GLDC: variants seen among roughly 807,000 people sequenced by gnomAD.
The protein encoded by GLDC is glycine decarboxylase.
In GLDC, 104 loss-of-function variants were observed where a neutral mutation model predicts 121.3. The ratio of observed to expected loss-of-function variants is 0.86; its 90% confidence interval spans 0.73 to 1.01. The LOEUF is 1.01. Ranked by LOEUF, GLDC falls within the 50% of genes least tolerant of loss-of-function variation. GLDC has a pLI of 0.00. For missense variants in GLDC, 1,429 were observed against 1,306.6 expected (o/e 1.09, Z -1.44); for synonymous variants, 546 against 480.6 (o/e 1.14, Z -1.78).
chr9:6,550,871 A>G lies in GLDC; in HGVS notation c.2501T>C (p.Ile834Thr), dbSNP rs370336693. The change falls in exon 21 of 25, where the codon ATA (isoleucine) becomes ACA (threonine). Residue 834 changes from isoleucine (I) to threonine (T), a missense_variant. By Grantham distance (89) the Ile-to-Thr change is moderately conservative. Transcript: ENST00000321612. ...KGLKQATETAILNANYMAKRL... is the reference protein window; with the variant it reads ...KGLKQATETATLNANYMAKRL... ...CTTGGCCATGTAGTTGGCATTTAAT[A>G]TCGCAGTTTCCGTGGCTTGTTTAAG... 122 of 1,613,816 alleles carry G rather than the reference A, an allele frequency of 7.6e-5. No individual in the cohort carries two copies. Among genetic ancestry groups the G allele is most frequent in the Non-Finnish European group, 1.0e-4 (120 of 1,179,826 alleles).
chr9:6,610,481 A>T lies in GLDC; in HGVS notation c.471-125T>A. The stretch of plus-strand genomic sequence containing the variant: ...TATCTTGAGGAGAATTACATAACAC[A>T]CCAGTAAGCTTCTTTTTGGCCTTTG... On this transcript the variant is annotated intron_variant, in intron 3 of 24. Coordinates refer to ENST00000321612, the MANE Select transcript of GLDC (RefSeq NM_000170.3). 3 of 823,362 alleles carry T rather than the reference A, an allele frequency of 3.6e-6. No homozygotes were observed. In the South Asian group the frequency reaches 4.4e-5, roughly 12 times the overall value. 51.0% of individuals were successfully genotyped at this position (823,362 alleles called of 1,614,324 possible). A position where few individuals can be genotyped will look rare whatever the true frequency, so the allele number is the denominator to read the frequency against.
intron 3 of GLDC, 129 bp downstream of exon 3, chr9:6,620,055 G>T: frequency 1.1e-6 from 1 of 889,524 alleles, no homozygotes. Flanking sequence ...GTAGGTTCCC[G>T]GACATTGGAG....
rs541948151 is a variant in GLDC, at chr9:6,554,857, C to T, written c.2203-76G>A. 31 of 1,043,416 alleles carry T rather than the reference C, an allele frequency of 3.0e-5. 1 individual carries two copies. Among genetic ancestry groups the T allele is most frequent in the South Asian group, 2.2e-4 (16 of 74,142 alleles). 64.6% of individuals were successfully genotyped at this position (1,043,416 alleles called of 1,614,324 possible). On this transcript the variant is annotated intron_variant, in intron 18 of 24. Transcript: ENST00000321612. ...CTCCAGTGTGAAGGCCATGGCTGGC[C>T]GGTGCTGCCTTCTCCCCTCAGAGGA... is the stretch of plus-strand genomic sequence containing the variant.
In GLDC at chr9:6,558,610, A is replaced by G. The variant is rs1817684194; in HGVS notation, c.2001T>C (p.Pro667=). The change falls in exon 17 of 25, where the codon CCT becomes CCC. Residue 667 remains proline (P), a synonymous_variant. Transcript: ENST00000321612. ...SAHMAGMKIQ[P]VEVDKYGNID... ...TATTCCCATATTTATCCACCTCCAC[A>G]GGCTGAATCTTCATGCCTGCCATGT... 3 of 1,614,192 alleles carry G rather than the reference A, an allele frequency of 1.9e-6. No homozygotes were observed. The highest frequency in any genetic ancestry group is 2.5e-6 in the Non-Finnish European group (3 of 1,180,006).
intron 8 of GLDC, among the ~76,000 whole-genome samples, chr9:6,600,372 C>G (rs1818580224): frequency 1.4e-5 from 2 of 147,618 alleles, no homozygotes; most frequent in African/African-American, 2.5e-5. Flanking sequence ...AAGAATCTGT[C>G]TCAAGAAAAA....
intron 6 of GLDC, 61 bp from the exon 7 acceptor site, chr9:6,604,845 A>C: frequency 7.4e-7 from 1 of 1,343,056 alleles, no homozygotes; most frequent in South Asian, 1.2e-5. Context: ...GTAGTGGGAG[A>C]GTAGGAAATT....
chr9:6,620,119 G>C, intron 3 of GLDC, 65 bp downstream of exon 3: 1 of 1,517,112 alleles, frequency 6.6e-7, no homozygotes, highest in Non-Finnish European at 9.1e-7. Flanking sequence ...CAAGGGGACA[G>C]ATGGAGGATG....
chr9:6,558,112 A>C, intron 17 of GLDC: 1 of 247,494 alleles, frequency 4.0e-6, no homozygotes, highest in East Asian at 8.6e-5. Flanking sequence ...TGGGAGGTTG[A>C]GAGTGGGGGT....
At chr9:6,560,231 C>A (rs1410190511) in intron 16 of GLDC, among the ~76,000 whole-genome samples, 1 of 152,134 alleles carries the variant, frequency 6.6e-6, no homozygotes, top group Non-Finnish European at 1.5e-5. Context: ...TTTTTTATCC[C>A]ACAGAGAGAT....
intron 21 of GLDC, chr9:6,542,478 C>G (rs1172198463): frequency 6.6e-6 from 1 of 151,896 alleles, no homozygotes; most frequent in Non-Finnish European, 1.5e-5. Flanking sequence ...CTCAAGTGAT[C>G]CCCCCACCTC....
At chr9:6,546,622 T>A (rs1817396546) in intron 21 of GLDC, among the ~76,000 whole-genome samples, 1 of 152,008 alleles carries the variant, frequency 6.6e-6, no homozygotes, top group African/African-American at 2.4e-5. Context: ...CTGAAGCTGT[T>A]TTACAGTTAA....
chr9:6,644,878 G>A, intron 1 of GLDC, 186 bp from the exon 2 acceptor site: 1 of 644,140 alleles, frequency 1.6e-6, no homozygotes, highest in Non-Finnish European at 2.7e-6. Flanking sequence ...AAGTGGGGTG[G>A]AGATTCCGCC....
chr9:6,533,149 T>C lies in GLDC; in HGVS notation c.2931A>G (p.Lys977=). 1 of 1,613,792 alleles carries C rather than the reference T, an allele frequency of 6.2e-7. No homozygotes were observed. Among genetic ancestry groups the C allele is most frequent in the Non-Finnish European group, 8.5e-7 (1 of 1,179,702 alleles). Residue 977 remains lysine (K), a synonymous_variant, in exon 25 of 25, where the codon AAA becomes AAG. Coordinates refer to ENST00000321612, the MANE Select transcript of GLDC (RefSeq NM_000170.3). ...TCGTTGGCCAGAATTTGTTCTCTGG[T>C]TTCACGAAGGGCTGCAAAGGACAAA... ...EVAAFPLPFV[K]PENKFWPTIA...
Position 6,629,953 on chromosome 9 carries a change from A to ATTTT in GLDC, c.335-9635_335-9634insAAAA, listed in dbSNP as rs1208714084. Reference sequence around the variant, plus strand: ...ACTATATATATATATATGTATATATATATATTTTTTTTTTTTAAGAGAGAC... The same window carrying ATTTT: ...ACTATATATATATATATGTATATATATTTTTATATTTTTTTTTTTTAAGAGAGAC... On this transcript the variant is annotated intron_variant, in intron 2 of 24. Transcript: ENST00000321612. 5.3e-4 allele frequency among the ~76,000 whole-genome samples: 38 copies of ATTTT among 71,712 alleles called. 1 individual carries two copies. Among genetic ancestry groups the ATTTT allele is most frequent in the East Asian group, 1.9e-3 (5 of 2,604 alleles). 47.0% of individuals were successfully genotyped at this position (71,712 alleles called of 152,430 possible).
At position 6,553,413 on chromosome 9, in the gene GLDC, T is replaced by A. The variant is rs1008088665; in HGVS notation, c.2412A>T (p.Pro804=). 1 of 1,613,940 alleles carries A rather than the reference T, an allele frequency of 6.2e-7. No individual in the cohort carries two copies. The highest frequency in any genetic ancestry group is 1.7e-5 in the Admixed American group (1 of 60,010). The part of the protein sequence containing the change: ...ACPVGTVSAA[P]WGSSSILPIS... ...TGGGCAAGATGGAACTGGAGCCCCA[T>A]GGGGCCGCACTGACGGTTCCCACAG... Residue 804 remains proline, a synonymous_variant, in exon 20 of 25, where the codon CCA becomes CCT. Coordinates refer to ENST00000321612, the MANE Select transcript of GLDC (RefSeq NM_000170.3).
chr9:6,543,896 G>A (rs550126983), intron 21 of GLDC, among the ~76,000 whole-genome samples: 1 of 151,760 alleles, frequency 6.6e-6, no homozygotes, highest in East Asian at 1.9e-4. Context: ...GACAGGAGGG[G>A]GGGGGATGAA....
chr9:6,551,086 G>C lies in GLDC; in HGVS notation c.2458-172C>G, dbSNP rs188557034. On this transcript the variant is annotated intron_variant, in intron 20 of 24. Transcript: ENST00000321612. ...CAACAAGGATATCTGTCAGATCCCTGTAAGCCTGTAATACATTTTTGTTTT... is the reference window on the plus strand; with the variant it reads ...CAACAAGGATATCTGTCAGATCCCTCTAAGCCTGTAATACATTTTTGTTTT... 2.6e-3 allele frequency among the ~76,000 whole-genome samples: 389 copies of C among 152,332 alleles called. 2 individuals are homozygous for C. The highest frequency in any genetic ancestry group is 9.1e-3 in the African/African-American group (377 of 41,578).
At chr9:6,534,940 T>C in intron 23 of GLDC, 152 bp from the exon 24 acceptor site, 1 of 664,702 alleles carries the variant, frequency 1.5e-6, no homozygotes, top group South Asian at 1.6e-5. Context: ...TGATTTATAA[T>C]TGTGAAATAT....
rs112958622 is a variant in GLDC at position 6,538,111 on chromosome 9, ATT to A, written c.2666-1877_2666-1876del. ...CCTTTGTCACTCAAACCAGACAGGG[ATT>A]TTTTTTTTTTTTAAGAGAACAAGCT... On this transcript the variant is annotated intron_variant, in intron 22 of 24. Coordinates refer to ENST00000321612, the MANE Select transcript of GLDC (RefSeq NM_000170.3). Among the ~76,000 whole-genome samples the A allele has an allele frequency of 1.0e-2, 1,458 of 145,972 alleles. 21 individuals carry two copies. The highest frequency in any genetic ancestry group is 0.034 in the African/African-American group (1,388 of 40,286).
Sources: gnomAD v4.1 joint callset for allele counts (sites outside exome capture counted in the v4.1 genomes callset) on GRCh38, gnomAD v4.1.1 for gene constraint, MANE v1.5 for transcripts, NCBI Gene and HGNC (gene_info 2026-07-23, HGNC 2026-07-21) for gene names.